Variants in CYP7B1 observed in about 807,000 individuals in gnomAD.
CYP7B1 encodes the protein cytochrome P450 7B1.
Under a neutral mutation model 42.7 loss-of-function variants are expected in CYP7B1, and 29 were observed. The observed-to-expected ratio is 0.68, with a 90% confidence interval of 0.51 to 0.93. The LOEUF (loss-of-function observed/expected upper bound fraction) is 0.93. Among genes scored for constraint, CYP7B1 ranks in the 40% least tolerant of loss-of-function variants. The pLI is 0.00. For synonymous variants in CYP7B1, 235 were observed against 218.2 expected, an observed-to-expected ratio of 1.08 and a Z score of -0.68; for missense variants, 655 against 600.5, an observed-to-expected ratio of 1.09 and a Z score of -0.95.
chr8:64,769,811 A>T (rs1269851178), intron 1 of CYP7B1, among the ~76,000 whole-genome samples: 2 of 151,816 alleles, frequency 1.3e-5, no homozygotes, highest in Non-Finnish European at 2.9e-5. Context: ...CATTCCCCCC[A>T]TCCTACTGAG....
intron 1 of CYP7B1, among the ~76,000 whole-genome samples, chr8:64,630,094 CAA>C (rs952391004): frequency 4.1e-4 from 62 of 152,052 alleles, no homozygotes; most frequent in African/African-American, 1.5e-3. Context: ...CTGGGGAAGC[CAA>C]AGAGGACCAA....
intron 1 of CYP7B1, among the ~76,000 whole-genome samples, chr8:64,638,825 A>ATG (rs138558751): frequency 8.1e-4 from 121 of 149,806 alleles, no homozygotes; most frequent in African/African-American, 2.1e-3. Flanking sequence ...ACTTTTGTGT[A>ATG]TGTGTGTGTG....
intron 1 of CYP7B1, among the ~76,000 whole-genome samples, chr8:64,782,307 G>C (rs1310707272): frequency 6.6e-6 from 1 of 152,140 alleles, no homozygotes; most frequent in African/African-American, 2.4e-5. Context: ...GGGGCCTTGG[G>C]AGGTGTTTAA....
At chr8:64,605,719 C>T (rs1805268824) in intron 4 of CYP7B1, among the ~76,000 whole-genome samples, 2 of 152,094 alleles carry the variant, frequency 1.3e-5, no homozygotes, top group Non-Finnish European at 2.9e-5. Context: ...TTTCCACCAG[C>T]GTGAATGGGT....
Position 64,615,080 on chromosome 8 carries a change from A to G in CYP7B1, c.1003T>C (p.Ser335Pro), listed in dbSNP as rs1585807247. 1 of 1,613,588 alleles carries G rather than the reference A, an allele frequency of 6.2e-7. No individual in the cohort carries two copies. Among genetic ancestry groups the G allele is most frequent in the Admixed American group, 1.7e-5 (1 of 59,942 alleles). ...LLQSTGQKKG[S>P]GFPIHLTREQ... ...CTGGTGAGGTGGATGGGAAATCCAGACCCTTTCTTTTGACCTGTTGACTGC... is the reference window on the plus strand; with the variant it reads ...CTGGTGAGGTGGATGGGAAATCCAGGCCCTTTCTTTTGACCTGTTGACTGC... Residue 335 changes from serine (S) to proline (P), a missense_variant, in exon 4 of 6, where the codon TCT (serine) becomes CCT (proline). Physicochemically the swap from Ser to Pro is moderately conservative, Grantham distance 74 (BLOSUM62 -1). Transcript: ENST00000310193.
intron 1 of CYP7B1, among the ~76,000 whole-genome samples, chr8:64,730,751 G>GCACACACACACACACA (rs61050207): frequency 0.012 from 1,696 of 142,930 alleles, 51 homozygotes; most frequent in African/African-American, 0.043. Flanking sequence ...AGGACTGTCT[G>GCACACACACACACACA]CACACACACA....
rs147655645 is a variant in CYP7B1, at chr8:64,596,871, C to G, written c.1292G>C (p.Arg431Thr). Residue 431 changes from arginine to threonine, a missense_variant, in exon 6 of 6, where the codon AGA (arginine) becomes ACA (threonine). Arg to Thr is a moderately conservative substitution (Grantham distance 71). Transcript: ENST00000310193. ...DGKKKTTFFK[R>T]GKKLKCYLMP... ...TAGGTAACACTTCAGCTTTTTCCCTCTTTTGAAAAAGGTGGTTTTCTTCTT... is the reference window on the plus strand; with the variant it reads ...TAGGTAACACTTCAGCTTTTTCCCTGTTTTGAAAAAGGTGGTTTTCTTCTT... 5.6e-6 allele frequency: 9 copies of G among 1,613,530 alleles called. No homozygotes were observed. The highest frequency in any genetic ancestry group is 7.6e-6 in the Non-Finnish European group (9 of 1,179,796).
chr8:64,736,418 G>A (rs568017809), intron 1 of CYP7B1, among the ~76,000 whole-genome samples: 3 of 152,130 alleles, frequency 2.0e-5, no homozygotes, highest in East Asian at 1.9e-4. Flanking sequence ...AAATATCTTC[G>A]CTTTAGTCAA....
chr8:64,669,709 T>A (rs1471342210), intron 1 of CYP7B1, among the ~76,000 whole-genome samples: 1 of 150,870 alleles, frequency 6.6e-6, no homozygotes, highest in East Asian at 2.0e-4. Flanking sequence ...AGGGAGGGAA[T>A]GAAGGTTTTA....
intron 1 of CYP7B1, among the ~76,000 whole-genome samples, chr8:64,648,154 A>T (rs1320213247): frequency 1.3e-5 from 2 of 152,244 alleles, no homozygotes; most frequent in African/African-American, 4.8e-5. Context: ...ATATATAAAA[A>T]GTTAGTGGTA....
chr8:64,615,849 G>A lies in CYP7B1; in HGVS notation c.692C>T (p.Pro231Leu). Residue 231 changes from proline to leucine, a missense_variant, in exon 3 of 6, where the codon CCC (proline) becomes CTC (leucine). Pro to Leu is a moderately conservative substitution (Grantham distance 98, BLOSUM62 -3). Coordinates refer to ENST00000310193, the MANE Select transcript of CYP7B1 (RefSeq NM_004820.5). The stretch of plus-strand genomic sequence containing the variant: ...CTTGACATTTCCTAGAAGCTCAATG[G>A]GTATGTTGGATACTAAATATGCAAA... The part of the protein sequence containing the change: ...DKFAYLVSNI[P>L]IELLGNVKSI... 6.2e-7 allele frequency: 1 copy of A among 1,613,498 alleles called. No homozygotes were observed.
At chr8:64,770,677 T>C (rs1208129348) in intron 1 of CYP7B1, among the ~76,000 whole-genome samples, 1 of 152,156 alleles carries the variant, frequency 6.6e-6, no homozygotes, top group Non-Finnish European at 1.5e-5. Flanking sequence ...CAGCCAGCCA[T>C]TCCTTGGTGC....
rs73237742 is a variant in CYP7B1 at position 64,593,520 on chromosome 8, G to T, written c.*3122C>A. On this transcript the variant is annotated 3_prime_UTR_variant, in exon 6 of 6. Coordinates refer to ENST00000310193, the MANE Select transcript of CYP7B1 (RefSeq NM_004820.5). ...GGCTAGAAACCACAATACCTATGTA[G>T]CGTTCCCTCCCCACTCCCAGATAAT... is the stretch of plus-strand genomic sequence containing the variant. Among the ~76,000 whole-genome samples the T allele has an allele frequency of 0.027, 4,104 of 152,182 alleles. 164 individuals carry two copies. The highest frequency in any genetic ancestry group is 0.088 in the African/African-American group (3,666 of 41,502).
intron 1 of CYP7B1, among the ~76,000 whole-genome samples, chr8:64,757,180 T>G (rs1042421893): frequency 1.1e-4 from 16 of 152,186 alleles, no homozygotes; most frequent in Non-Finnish European, 2.4e-4. Context: ...TGCAGGCATG[T>G]TTGAGTTTCA....
intron 1 of CYP7B1, among the ~76,000 whole-genome samples, chr8:64,701,045 T>C (rs1016603040): frequency 6.6e-6 from 1 of 152,080 alleles, no homozygotes; most frequent in Non-Finnish European, 1.5e-5. Context: ...CTCCAGTAAT[T>C]ATTTTAAACT....
chr8:64,700,706 G>A (rs1261939717), intron 1 of CYP7B1, among the ~76,000 whole-genome samples: 1 of 152,048 alleles, frequency 6.6e-6, no homozygotes, highest in Non-Finnish European at 1.5e-5. Context: ...TCATTTCATG[G>A]TTCAGAAAGA....
At chr8:64,787,431 C>T (rs1804546269) in intron 1 of CYP7B1, among the ~76,000 whole-genome samples, 2 of 152,206 alleles carry the variant, frequency 1.3e-5, no homozygotes, top group Non-Finnish European at 2.9e-5. Flanking sequence ...GCAAGCATGA[C>T]CTTTACTCCA....
chr8:64,586,812 C>T (rs1401706587), downstream of CYP7B1, among the ~76,000 whole-genome samples: 1 of 152,162 alleles, frequency 6.6e-6, no homozygotes, highest in Non-Finnish European at 1.5e-5. Context: ...TAAATGAGCC[C>T]GGCTCCTGTG....
chr8:64,726,016 C>G (rs1299690567), intron 1 of CYP7B1, among the ~76,000 whole-genome samples: 1 of 152,192 alleles, frequency 6.6e-6, no homozygotes, highest in Non-Finnish European at 1.5e-5. Context: ...TCATGGATAT[C>G]TTGTTCTCCT....
Sources: allele counts gnomAD v4.1 joint callset (sites outside exome capture counted in the v4.1 genomes callset), GRCh38; gene constraint gnomAD v4.1.1; transcripts MANE v1.5; gene names NCBI Gene and HGNC (gene_info 2026-07-23, HGNC 2026-07-21).